Variants in ZBTB20 observed in about 807,000 individuals in gnomAD.
ZBTB20 encodes zinc finger and BTB domain containing 20.
ZBTB20 carries 9 observed loss-of-function variants against 56.9 expected under a neutral mutation model. The observed-to-expected ratio is 0.16, with a 90% CI of 0.10 to 0.28. The LOEUF is 0.28. ZBTB20 is among the 10% of genes least tolerant of loss of function. The probability of loss-of-function intolerance (pLI) is 1.00; values close to 1 mark genes in which losing one functional copy is unlikely to be tolerated. For missense variants in ZBTB20, 655 were observed against 1,003.0 expected, an observed-to-expected ratio of 0.65 and a Z score of 4.69; for synonymous variants, 417 against 420.7, an observed-to-expected ratio of 0.99 and a Z score of 0.11.
At chr3:114,466,868 G>A (rs1466334256) in intron 7 of ZBTB20, among the ~76,000 whole-genome samples, 4 of 152,156 alleles carry the variant, frequency 2.6e-5, no homozygotes, top group African/African-American at 9.7e-5. Context: ...AAAACACGAT[G>A]CAAATAAGTT....
At chr3:114,866,386 T>C (rs2075765114) in intron 4 of ZBTB20, among the ~76,000 whole-genome samples, 1 of 152,196 alleles carries the variant, frequency 6.6e-6, no homozygotes, top group Non-Finnish European at 1.5e-5. Context: ...AGTCATTAAA[T>C]TTGGTGATAA....
chr3:114,677,243 T>G (rs1167050591), intron 6 of ZBTB20, among the ~76,000 whole-genome samples: 1 of 152,208 alleles, frequency 6.6e-6, no homozygotes, highest in Non-Finnish European at 1.5e-5. Flanking sequence ...TGATGATGAA[T>G]CAATTGAATT....
Position 114,326,762 on chromosome 3 carries a change from C to G in ZBTB20, c.*12243G>C, listed in dbSNP as rs915032762. 6.6e-6 allele frequency: 1 copy of G among 152,010 alleles called. No homozygotes were observed. The highest frequency in any genetic ancestry group is 1.5e-5 in the Non-Finnish European group (1 of 67,984). The allele number at this position is 152,010 out of a possible 1,614,324, so 9.4% of individuals were successfully genotyped here. On this transcript the variant is annotated 3_prime_UTR_variant, in exon 12 of 12. Coordinates refer to ENST00000675478, the MANE Select transcript of ZBTB20 (RefSeq NM_001348800.3). ...TGTTTGAATGTGTGAAAGTATTATC[C>G]CTTTGCTCTACCATGTTTCACTTTC...
intron 6 of ZBTB20, among the ~76,000 whole-genome samples, chr3:114,605,993 G>A (rs576940162): frequency 3.9e-4 from 60 of 152,242 alleles, no homozygotes; most frequent in African/African-American, 1.3e-3. Context: ...AAGGGAAGGC[G>A]GAGATCTGAA....
intron 3 of ZBTB20, among the ~76,000 whole-genome samples, chr3:114,905,855 T>C (rs1329075399): frequency 6.6e-6 from 1 of 151,848 alleles, no homozygotes; most frequent in East Asian, 1.9e-4. Context: ...TGTTAACAGA[T>C]ACTCGGTATG....
At chr3:114,647,310 G>A (rs2059902804) in intron 6 of ZBTB20, among the ~76,000 whole-genome samples, 1 of 152,072 alleles carries the variant, frequency 6.6e-6, no homozygotes, top group Non-Finnish European at 1.5e-5. Flanking sequence ...GTTCCTCTTG[G>A]GAATAAAGGT....
At chr3:114,757,315 G>GCCATTACATACCAT (rs1386809826) in intron 5 of ZBTB20, among the ~76,000 whole-genome samples, 3 of 152,098 alleles carry the variant, frequency 2.0e-5, no homozygotes, top group Non-Finnish European at 4.4e-5. Flanking sequence ...CTTACCATAC[G>GCCATTACATACCAT]TCAAAAAGGT....
At chr3:114,645,778 C>T (rs2059801964) in intron 6 of ZBTB20, among the ~76,000 whole-genome samples, 1 of 152,066 alleles carries the variant, frequency 6.6e-6, no homozygotes, top group Admixed American at 6.6e-5. Flanking sequence ...TTTGCCTTTA[C>T]CAGATATTTC....
intron 4 of ZBTB20, among the ~76,000 whole-genome samples, chr3:114,844,520 CAAAAAAA>C (rs71146342): frequency 2.3e-3 from 53 of 22,798 alleles, no homozygotes; most frequent in African/African-American, 0.01. Context: ...GTCCCTGTCT[CAAAAAAA>C]AAAAAAAAAA....
intron 4 of ZBTB20, among the ~76,000 whole-genome samples, chr3:114,811,679 T>C (rs1046548244): frequency 3.9e-5 from 6 of 152,244 alleles, no homozygotes; most frequent in Admixed American, 2.6e-4. Context: ...AAACTTCATC[T>C]CATTAAAGTG....
chr3:114,484,986 A>G (rs188010507), intron 7 of ZBTB20, among the ~76,000 whole-genome samples: 3 of 152,236 alleles, frequency 2.0e-5, no homozygotes, highest in Non-Finnish European at 2.9e-5. Flanking sequence ...AAATTTGCCA[A>G]TGCCGATTGT....
chr3:114,372,571 G>A (rs1325832140), intron 10 of ZBTB20, among the ~76,000 whole-genome samples: 1 of 152,214 alleles, frequency 6.6e-6, no homozygotes, highest in Admixed American at 6.5e-5. Context: ...GCTCATGCCT[G>A]TAATCCCAGC....
chr3:114,882,534 A>C (rs2076436952), intron 4 of ZBTB20, among the ~76,000 whole-genome samples: 1 of 152,102 alleles, frequency 6.6e-6, no homozygotes, highest in Non-Finnish European at 1.5e-5. Context: ...AAATTTCCAT[A>C]AATAGGCAGT....
chr3:114,918,813 T>A (rs897116416), intron 3 of ZBTB20, among the ~76,000 whole-genome samples: 3 of 152,214 alleles, frequency 2.0e-5, no homozygotes, highest in Non-Finnish European at 2.9e-5. Context: ...GAGCTACCAA[T>A]TGCATTGCTT....
At chr3:114,579,548 AAAG>A (rs2054431797) in intron 6 of ZBTB20, among the ~76,000 whole-genome samples, 1 of 151,514 alleles carries the variant, frequency 6.6e-6, no homozygotes, top group Non-Finnish European at 1.5e-5. Flanking sequence ...ATATAAAAAA[AAAG>A]AAGGAATGAA....
At chr3:114,389,887 C>CAAAAAA (rs34247337) in intron 7 of ZBTB20, among the ~76,000 whole-genome samples, 10 of 77,600 alleles carry the variant, frequency 1.3e-4, no homozygotes, top group Admixed American at 1.8e-4. Flanking sequence ...GAGTCCATCT[C>CAAAAAA]AAAAAAAAAA....
At chr3:114,788,893 T>A (rs1023510519) in intron 5 of ZBTB20, among the ~76,000 whole-genome samples, 5 of 151,620 alleles carry the variant, frequency 3.3e-5, no homozygotes, top group Admixed American at 1.3e-4. Context: ...GGCGAGAGAG[T>A]GTGTGTGTAG....
intron 7 of ZBTB20, among the ~76,000 whole-genome samples, chr3:114,461,802 C>T (rs1257497260): frequency 6.6e-6 from 1 of 152,152 alleles, no homozygotes; most frequent in Non-Finnish European, 1.5e-5. Flanking sequence ...AGGTGGATGT[C>T]TGAGTGTGTA....
chr3:114,996,883 A>G (rs544468839), intron 2 of ZBTB20, among the ~76,000 whole-genome samples: 1 of 152,010 alleles, frequency 6.6e-6, no homozygotes, highest in Non-Finnish European at 1.5e-5. Context: ...TGGAAAAAAA[A>G]GCTCATCATC....
Sources: allele counts gnomAD v4.1 joint callset (sites outside exome capture counted in the v4.1 genomes callset), GRCh38; gene constraint gnomAD v4.1.1; transcripts MANE v1.5; gene names NCBI Gene and HGNC (gene_info 2026-07-23, HGNC 2026-07-21).